The following PTPRD variants were observed in gnomAD, a reference collection of about 807,000 sequenced individuals.
PTPRD encodes the protein receptor-type tyrosine-protein phosphatase delta.
Under a neutral mutation model 214.5 loss-of-function variants are expected in PTPRD, and 34 were observed. The ratio of observed to expected loss-of-function variants is 0.16; its 90% CI spans 0.12 to 0.21. PTPRD has a LOEUF of 0.21. PTPRD is among the 10% of genes least tolerant of loss of function. The pLI, the probability that PTPRD is intolerant of heterozygous loss-of-function variation, is 1.00. For missense variants in PTPRD, 2,545 were observed against 2,398.7 expected (o/e 1.06, Z -1.27); for synonymous variants, 1,128 against 845.7 (o/e 1.33, Z -5.79).
At chr9:8,533,715 C>T (rs191342056) in intron 14 of PTPRD, among the ~76,000 whole-genome samples, 1 of 151,970 alleles carries the variant, frequency 6.6e-6, no homozygotes, top group Non-Finnish European at 1.5e-5. Context: ...AGTGTGAACT[C>T]TTACAAGCTC....
At chr9:10,503,498 G>A (rs2044608134) in intron 2 of PTPRD, among the ~76,000 whole-genome samples, 1 of 151,886 alleles carries the variant, frequency 6.6e-6, no homozygotes, top group African/African-American at 2.4e-5. Flanking sequence ...GATTTAAAAT[G>A]TTTAATTGGA....
chr9:9,228,081 G>A (rs1261557612), intron 9 of PTPRD, among the ~76,000 whole-genome samples: 1 of 152,074 alleles, frequency 6.6e-6, no homozygotes, highest in Non-Finnish European at 1.5e-5. Context: ...GCTGGGCACA[G>A]TAGCCCATAC....
intron 9 of PTPRD, among the ~76,000 whole-genome samples, chr9:9,315,757 C>A (rs141662719): frequency 3.1e-4 from 46 of 148,232 alleles, no homozygotes; most frequent in African/African-American, 1.1e-3. Context: ...TGACTAGAAA[C>A]AAGTTGAATC....
intron 10 of PTPRD, among the ~76,000 whole-genome samples, chr9:9,072,475 G>A (rs926633321): frequency 1.3e-5 from 2 of 152,166 alleles, no homozygotes; most frequent in Admixed American, 6.5e-5. Flanking sequence ...CTGCTACTTC[G>A]TTCAGGCTGC....
intron 11 of PTPRD, among the ~76,000 whole-genome samples, chr9:8,984,371 A>ATCT (rs2154342492): frequency 6.6e-6 from 1 of 152,244 alleles, no homozygotes; most frequent in African/African-American, 2.4e-5. Context: ...AGTACGATGA[A>ATCT]TCTTTAATAA....
intron 8 of PTPRD, among the ~76,000 whole-genome samples, chr9:9,517,969 T>C (rs142498791): frequency 2.9e-4 from 44 of 152,172 alleles, no homozygotes; most frequent in African/African-American, 8.9e-4. Flanking sequence ...TATTAATTTT[T>C]GGGTTTCTGT....
intron 7 of PTPRD, among the ~76,000 whole-genome samples, chr9:9,628,162 T>C (rs549838334): frequency 1.9e-4 from 29 of 152,330 alleles, no homozygotes; most frequent in African/African-American, 6.3e-4. Context: ...ATGTAGGCTT[T>C]AGCTGACACT....
intron 3 of PTPRD, among the ~76,000 whole-genome samples, chr9:10,254,470 G>A (rs1352079031): frequency 6.6e-6 from 1 of 151,940 alleles, no homozygotes; most frequent in African/African-American, 2.4e-5. Context: ...TTGTTGCCAG[G>A]CTGATGGCCA....
chr9:8,912,034 G>T (rs965114432), intron 11 of PTPRD, among the ~76,000 whole-genome samples: 2 of 152,114 alleles, frequency 1.3e-5, no homozygotes, highest in Admixed American at 6.6e-5. Context: ...GGAGAGAGTG[G>T]AATACTCATA....
intron 34 of PTPRD, among the ~76,000 whole-genome samples, chr9:8,444,969 CTTTTA>C (rs2095668726): frequency 6.6e-6 from 1 of 152,084 alleles, no homozygotes; most frequent in African/African-American, 2.4e-5. Flanking sequence ...TTAAATGCAT[CTTTTA>C]TAAGTGAATA....
At chr9:9,834,963 A>G (rs1399993591) in intron 5 of PTPRD, among the ~76,000 whole-genome samples, 1 of 151,904 alleles carries the variant, frequency 6.6e-6, no homozygotes, top group Non-Finnish European at 1.5e-5. Flanking sequence ...CCCAGATAAG[A>G]GCAGATTCAC....
chr9:9,791,672 A>G (rs2098968282), intron 5 of PTPRD, among the ~76,000 whole-genome samples: 1 of 151,928 alleles, frequency 6.6e-6, no homozygotes. Context: ...TTTCTTTGTA[A>G]TTTTGTTTTG....
At chr9:9,800,577 T>G (rs1271569823) in intron 5 of PTPRD, 2 of 152,144 alleles carry the variant, frequency 1.3e-5, no homozygotes, top group African/African-American at 4.8e-5. Context: ...TATTTGAAAT[T>G]TAATAGATGA....
At chr9:10,301,104 C>A (rs2095849587) in intron 3 of PTPRD, among the ~76,000 whole-genome samples, 1 of 152,136 alleles carries the variant, frequency 6.6e-6, no homozygotes, top group South Asian at 2.1e-4. Flanking sequence ...GCAGTCTCTG[C>A]TGGTGATACC....
At chr9:9,456,983 G>A (rs1201814611) in intron 8 of PTPRD, among the ~76,000 whole-genome samples, 1 of 144,352 alleles carries the variant, frequency 6.9e-6, no homozygotes, top group Non-Finnish European at 1.5e-5. Flanking sequence ...TAACAGGCAT[G>A]ACAAGTTTGG....
chr9:9,868,524 GA>G (rs1336397077), intron 5 of PTPRD, among the ~76,000 whole-genome samples: 2 of 151,798 alleles, frequency 1.3e-5, no homozygotes, highest in Non-Finnish European at 2.9e-5. Flanking sequence ...GTAGATTCAG[GA>G]AATATAGCTT....
At chr9:10,200,154 C>T (rs535385051) in intron 3 of PTPRD, among the ~76,000 whole-genome samples, 2 of 152,138 alleles carry the variant, frequency 1.3e-5, no homozygotes, top group African/African-American at 4.8e-5. Context: ...TTTTACCTCC[C>T]TCTTGTTTCA....
At chr9:9,895,546 T>C (rs918461538) in intron 5 of PTPRD, among the ~76,000 whole-genome samples, 2 of 152,056 alleles carry the variant, frequency 1.3e-5, no homozygotes, top group African/African-American at 2.4e-5. Context: ...GTTTATCTCA[T>C]AGAAGTAGGG....
At chr9:10,485,481 T>C (rs536841929) in intron 2 of PTPRD, among the ~76,000 whole-genome samples, 1 of 152,214 alleles carries the variant, frequency 6.6e-6, no homozygotes, top group African/African-American at 2.4e-5. Context: ...ATTGATTCTT[T>C]CAATCCATGA....
Sources: gnomAD v4.1 joint callset for allele counts (sites outside exome capture counted in the v4.1 genomes callset) on GRCh38, gnomAD v4.1.1 for gene constraint, MANE v1.5 for transcripts, NCBI Gene and HGNC (gene_info 2026-07-23, HGNC 2026-07-21) for gene names.